The following FGF7 variants were observed in gnomAD, a reference collection of about 807,000 sequenced individuals.
FGF7 encodes FGF-7.
In FGF7, 6 loss-of-function variants were observed where a neutral mutation model predicts 20.5. The ratio of observed to expected loss-of-function variants is 0.29; its 90% CI spans 0.16 to 0.58. The LOEUF is 0.58. FGF7 is among the 20% of genes least tolerant of loss of function. The pLI, the probability that FGF7 is intolerant of heterozygous loss-of-function variation, is 0.90. For synonymous variants in FGF7, 64 were observed against 74.7 expected, an observed-to-expected ratio of 0.86 and a Z score of 0.74; for missense variants, 144 against 228.8, an observed-to-expected ratio of 0.63 and a Z score of 2.39.
chr15:49,453,174 T>G (rs772487139), intron 2 of FGF7, among the ~76,000 whole-genome samples: 1 of 152,162 alleles, frequency 6.6e-6, no homozygotes, highest in Non-Finnish European at 1.5e-5. Context: ...TAATAACAAC[T>G]GTATTTTTCT....
At chr15:49,469,544 A>G (rs1476413061) in intron 2 of FGF7, among the ~76,000 whole-genome samples, 1 of 152,082 alleles carries the variant, frequency 6.6e-6, no homozygotes, top group Non-Finnish European at 1.5e-5. Flanking sequence ...TTCTGTAGTC[A>G]AGGCCAAAAC....
intron 2 of FGF7, among the ~76,000 whole-genome samples, chr15:49,471,670 CT>C (rs2054785323): frequency 6.6e-6 from 1 of 151,862 alleles, no homozygotes; most frequent in African/African-American, 2.4e-5. Context: ...CGAATCTGGT[CT>C]TTTTGAGAGT....
In FGF7 at chr15:49,479,599, G is replaced by GTTTTTTTTT. The variant is rs56097665; in HGVS notation, c.287-3531_287-3523dup. On this transcript the variant is annotated intron_variant, in intron 2 of 3. Transcript: ENST00000267843. Reference sequence around the variant, plus strand: ...GTAGGATTTCATAGTTAATACCTCTGTTTTTTTTTTTTTTTTTTTTTTTTT... The same window carrying GTTTTTTTTT: ...GTAGGATTTCATAGTTAATACCTCTGTTTTTTTTTTTTTTTTTTTTTTTTTTTTTTTTTT... Among the ~76,000 whole-genome samples, 95 of 63,322 alleles carry GTTTTTTTTT rather than the reference G, an allele frequency of 1.5e-3. 16 individuals carry two copies. The highest frequency in any genetic ancestry group is 5.6e-3 in the African/African-American group (90 of 15,940). The allele number at this position is 63,322 out of a possible 152,430, so 41.5% of individuals were successfully genotyped here.
intron 2 of FGF7, among the ~76,000 whole-genome samples, chr15:49,481,790 C>T (rs2055971192): frequency 6.6e-6 from 1 of 151,818 alleles, no homozygotes; most frequent in African/African-American, 2.4e-5. Flanking sequence ...TTAATAAAAC[C>T]CAATTTCTAG....
At chr15:49,454,616 T>TAA (rs1355158211) in intron 2 of FGF7, among the ~76,000 whole-genome samples, 2 of 152,304 alleles carry the variant, frequency 1.3e-5, no homozygotes, top group Admixed American at 1.3e-4. Flanking sequence ...TTATTTTTTA[T>TAA]ATTATTTTTT....
chr15:49,444,599 T>C (rs184622135), intron 2 of FGF7, among the ~76,000 whole-genome samples: 11 of 151,786 alleles, frequency 7.2e-5, no homozygotes, highest in Non-Finnish European at 1.2e-4. Context: ...CTGAAATAAC[T>C]TGGTATCTAA....
rs2056394351 is a variant in FGF7 at position 49,486,269 on chromosome 15, T to C, written c.*1765T>C. ...ATTTAATTTTCCTGTGGTTGACCTATACGACCAGGATGTAGAAAACTAGAA... is the reference window on the plus strand; with the variant it reads ...ATTTAATTTTCCTGTGGTTGACCTACACGACCAGGATGTAGAAAACTAGAA... On this transcript the variant is annotated 3_prime_UTR_variant, in exon 4 of 4. Transcript: ENST00000267843. The C allele has an allele frequency of 6.6e-6, 1 of 152,056 alleles. No individual in the cohort carries two copies. Among genetic ancestry groups the C allele is most frequent in the South Asian group, 2.1e-4 (1 of 4,830 alleles). The allele number at this position is 152,056 out of a possible 1,614,324, so 9.4% of individuals were successfully genotyped here.
intron 2 of FGF7, among the ~76,000 whole-genome samples, chr15:49,469,789 T>G (rs1051611557): frequency 1.3e-5 from 2 of 152,124 alleles, no homozygotes; most frequent in Non-Finnish European, 2.9e-5. Flanking sequence ...ATAGCAGTAA[T>G]GAGATTGAGA....
chr15:49,463,700 T>A (rs2054008317), intron 2 of FGF7, among the ~76,000 whole-genome samples: 1 of 152,228 alleles, frequency 6.6e-6, no homozygotes, highest in South Asian at 2.1e-4. Context: ...CAGTGTTTTA[T>A]GCTTCTGTGC....
At chr15:49,448,695 CTA>C (rs1223199385) in intron 2 of FGF7, among the ~76,000 whole-genome samples, 2 of 151,114 alleles carry the variant, frequency 1.3e-5, no homozygotes, top group East Asian at 3.9e-4. Context: ...ATATAATAAA[CTA>C]TGTTGCTTTT....
chr15:49,429,129 C>T (rs1250077794), intron 2 of FGF7, among the ~76,000 whole-genome samples: 1 of 151,872 alleles, frequency 6.6e-6, no homozygotes, highest in Non-Finnish European at 1.5e-5. Flanking sequence ...TTCACATTAT[C>T]AGAATCAAAA....
At chr15:49,441,886 C>T (rs1331158583) in intron 2 of FGF7, among the ~76,000 whole-genome samples, 1 of 151,286 alleles carries the variant, frequency 6.6e-6, no homozygotes, top group Non-Finnish European at 1.5e-5. Flanking sequence ...GAGCAACCTT[C>T]TCATTGTACT....
At chr15:49,458,447 T>C (rs1402631094) in intron 2 of FGF7, among the ~76,000 whole-genome samples, 1 of 152,152 alleles carries the variant, frequency 6.6e-6, no homozygotes, top group Non-Finnish European at 1.5e-5. Context: ...TTTGGTTTTA[T>C]TTGGATTATT....
At chr15:49,458,603 T>A (rs930483990) in intron 2 of FGF7, among the ~76,000 whole-genome samples, 1 of 152,262 alleles carries the variant, frequency 6.6e-6, no homozygotes, top group Admixed American at 6.5e-5. Flanking sequence ...CTTGTCTTTA[T>A]AGAAATCAGA....
intron 2 of FGF7, among the ~76,000 whole-genome samples, chr15:49,468,128 T>A (rs1376279599): frequency 6.6e-6 from 1 of 152,178 alleles, no homozygotes; most frequent in Non-Finnish European, 1.5e-5. Flanking sequence ...TCTTAATAAA[T>A]CCCTGAATGA....
At chr15:49,469,575 A>G (rs1022562698) in intron 2 of FGF7, among the ~76,000 whole-genome samples, 2 of 152,132 alleles carry the variant, frequency 1.3e-5, no homozygotes, top group African/African-American at 4.8e-5. Context: ...GAATTAAATT[A>G]TTAGGTGTTG....
chr15:49,479,599 G>GTTTTTTTTTTTTTTTT lies in FGF7; in HGVS notation c.287-3538_287-3523dup, dbSNP rs56097665. On this transcript the variant is annotated intron_variant, in intron 2 of 3. Transcript: ENST00000267843. ...GTAGGATTTCATAGTTAATACCTCT[G>GTTTTTTTTTTTTTTTT]TTTTTTTTTTTTTTTTTTTTTTTTT... is the stretch of plus-strand genomic sequence containing the variant. Among the ~76,000 whole-genome samples the GTTTTTTTTTTTTTTTT allele has an allele frequency of 1.4e-4, 9 of 63,322 alleles. 1 individual carries two copies. The highest frequency in any genetic ancestry group is 5.0e-4 in the African/African-American group (8 of 15,942). The allele number at this position is 63,322 out of a possible 152,430, so 41.5% of individuals were successfully genotyped here.
At chr15:49,462,753 A>G (rs1360813867) in intron 2 of FGF7, among the ~76,000 whole-genome samples, 1 of 152,232 alleles carries the variant, frequency 6.6e-6, no homozygotes, top group African/African-American at 2.4e-5. Context: ...GAAAGATAAG[A>G]TATGATATAT....
chr15:49,446,809 CAG>C (rs370936568), intron 2 of FGF7, among the ~76,000 whole-genome samples: 14 of 151,086 alleles, frequency 9.3e-5, no homozygotes, highest in African/African-American at 3.4e-4. Flanking sequence ...ATGGGAGAGA[CAG>C]AATTAAAGGA....
Sources: allele counts gnomAD v4.1 joint callset (sites outside exome capture counted in the v4.1 genomes callset), GRCh38; gene constraint gnomAD v4.1.1; transcripts MANE v1.5; gene names NCBI Gene and HGNC (gene_info 2026-07-23, HGNC 2026-07-21).